The following RHPN2 variants were observed in gnomAD, a reference collection of about 807,000 sequenced individuals.
RHPN2 encodes the protein rhophilin Rho GTPase binding protein 2.
In RHPN2, 40 loss-of-function variants were observed where a neutral mutation model predicts 79.0. The ratio of observed to expected loss-of-function variants is 0.51; its 90% CI spans 0.39 to 0.66. The LOEUF (loss-of-function observed/expected upper bound fraction) is 0.66, where lower values mean the gene tolerates loss of function less well. Among genes scored for constraint, RHPN2 ranks in the 30% least tolerant of loss-of-function variants. The pLI is 0.00. For missense variants in RHPN2, 686 were observed against 883.5 expected, an observed-to-expected ratio of 0.78 and a Z score of 2.83; for synonymous variants, 285 against 363.5, an observed-to-expected ratio of 0.78 and a Z score of 2.46.
At chr19:33,016,822 T>C (rs574105193) in intron 4 of RHPN2, among the ~76,000 whole-genome samples, 1 of 152,366 alleles carries the variant, frequency 6.6e-6, no homozygotes, top group South Asian at 2.1e-4. Context: ...CTGCAGTACC[T>C]GTGTTTCTAT....
At chr19:33,039,356 A>G (rs963040176) in intron 2 of RHPN2, among the ~76,000 whole-genome samples, 3 of 152,044 alleles carry the variant, frequency 2.0e-5, no homozygotes, top group Admixed American at 6.6e-5. Flanking sequence ...CCCACAACTG[A>G]CGGTGTGAGC....
At chr19:33,024,718 C>T (rs1264138527) in intron 3 of RHPN2, among the ~76,000 whole-genome samples, 5 of 152,212 alleles carry the variant, frequency 3.3e-5, no homozygotes, top group African/African-American at 1.2e-4. Flanking sequence ...GCACGTAAAC[C>T]CTTCTCTGAA....
intron 2 of RHPN2, among the ~76,000 whole-genome samples, chr19:33,027,439 G>A (rs898394251): frequency 2.0e-5 from 3 of 151,828 alleles, no homozygotes; most frequent in African/African-American, 4.8e-5. Flanking sequence ...ATACTGCAGT[G>A]AGCTATGATC....
chr19:33,031,251 T>TTCTATTCTAC (rs1555713296), intron 2 of RHPN2, among the ~76,000 whole-genome samples: 1 of 132,484 alleles, frequency 7.5e-6, no homozygotes, highest in Admixed American at 7.8e-5. Context: ...TTCTATTCTA[T>TTCTATTCTAC]TCTACTCTAT....
chr19:33,034,605 C>CAAAAAAA (rs71176187), intron 2 of RHPN2, among the ~76,000 whole-genome samples: 9 of 95,680 alleles, frequency 9.4e-5, no homozygotes, highest in South Asian at 4.7e-4. Flanking sequence ...GACTCCGTCT[C>CAAAAAAA]AAAAAAAAAA....
At chr19:32,982,648 C>G (rs1456421511) in intron 14 of RHPN2, among the ~76,000 whole-genome samples, 5 of 152,128 alleles carry the variant, frequency 3.3e-5, no homozygotes, top group Admixed American at 3.3e-4. Context: ...CAACCCTCAG[C>G]TGCTCAAAGT....
rs1439730979 is a variant in RHPN2 at position 33,026,631 on chromosome 19, C to G, written c.187G>C (p.Val63Leu). The change falls in exon 3 of 15, where the codon GTG becomes CTG. Residue 63 changes from valine to leucine, a missense_variant and splice_region_variant. By Grantham distance (32) the Val-to-Leu change is conservative. Coordinates refer to ENST00000254260, the MANE Select transcript of RHPN2 (RefSeq NM_033103.5). The stretch of plus-strand genomic sequence containing the variant: ...TCCCGCACCTTTGAGTTTGTGGCCA[C>G]TCTGTTCAAAGAGAAGAGGGAGAGA... Reference protein sequence around the residue: ...MRTGAENLLKVATNSKVREQV... With the variant: ...MRTGAENLLKLATNSKVREQV... The G allele has an allele frequency of 6.2e-7, 1 of 1,606,198 alleles. No homozygotes were observed. The highest frequency in any genetic ancestry group is 2.2e-5 in the East Asian group (1 of 44,760).
At chr19:33,015,030 T>C (rs1379686500) in intron 4 of RHPN2, among the ~76,000 whole-genome samples, 2 of 151,612 alleles carry the variant, frequency 1.3e-5, no homozygotes, top group African/African-American at 4.8e-5. Flanking sequence ...TGCACTCCAA[T>C]CTTATGAAAG....
At chr19:33,005,937 A>G (rs368960479) in intron 7 of RHPN2, among the ~76,000 whole-genome samples, 4 of 152,172 alleles carry the variant, frequency 2.6e-5, no homozygotes, top group East Asian at 3.9e-4. Flanking sequence ...TCTGTCGCCC[A>G]AGCTGGAGTG....
rs189635439 is a variant in RHPN2 at position 33,034,918 on chromosome 19, G to A, written c.186-8286C>T. On this transcript the variant is annotated intron_variant, in intron 2 of 14. Transcript: ENST00000254260. ...GTTCAAGACCAGCCGAAGCAACATA[G>A]TGAGACCCTGTCTCTAAAACAAATA... Among the ~76,000 whole-genome samples the A allele has an allele frequency of 2.7e-3, 409 of 152,104 alleles. 1 individual carries two copies. The highest frequency in any genetic ancestry group is 9.1e-3 in the African/African-American group (376 of 41,502).
In RHPN2 at chr19:32,980,337, G is replaced by A. The variant is rs1312589845; in HGVS notation, c.1801-81C>T. The A allele has an allele frequency of 2.6e-6, 4 of 1,532,660 alleles. No homozygotes were observed. In the East Asian group the frequency reaches 6.7e-5, roughly 26 times the overall value. The allele number at this position is 1,532,660 out of a possible 1,614,324, so 94.9% of individuals were successfully genotyped here. A position where few individuals can be genotyped will look rare whatever the true frequency, so the allele number is the denominator to read the frequency against. On this transcript the variant is annotated intron_variant, in intron 14 of 14. Coordinates refer to ENST00000254260, the MANE Select transcript of RHPN2 (RefSeq NM_033103.5). ...AAACTACGAAGTTTGGCCAGGCGCG[G>A]TGGCTCACACCTGTAATCCCAACAG... is the stretch of plus-strand genomic sequence containing the variant.
intron 10 of RHPN2, among the ~76,000 whole-genome samples, chr19:32,997,147 C>A (rs867447652): frequency 2.0e-5 from 3 of 152,180 alleles, no homozygotes; most frequent in Non-Finnish European, 4.4e-5. Context: ...AATCTGCCTG[C>A]CTTAGCCTCC....
chr19:33,024,952 A>C (rs1971954256), intron 3 of RHPN2, among the ~76,000 whole-genome samples: 1 of 151,960 alleles, frequency 6.6e-6, no homozygotes, highest in Non-Finnish European at 1.5e-5. Flanking sequence ...GGGTTTCACT[A>C]TGTTGCCCAG....
At chr19:33,030,067 A>G (rs973407696) in intron 2 of RHPN2, among the ~76,000 whole-genome samples, 2 of 152,230 alleles carry the variant, frequency 1.3e-5, no homozygotes, top group African/African-American at 4.8e-5. Flanking sequence ...CCATTTGTAC[A>G]AACAGTTCAG....
At chr19:33,063,072 G>A (rs574959952) in intron 1 of RHPN2, among the ~76,000 whole-genome samples, 4 of 152,062 alleles carry the variant, frequency 2.6e-5, no homozygotes, top group Admixed American at 6.6e-5. Context: ...AGCAACTTGC[G>A]GGAGGCCACA....
chr19:33,005,496 G>A (rs10415212), intron 7 of RHPN2, among the ~76,000 whole-genome samples: 29,229 of 145,184 alleles, frequency 0.2, 2,965 homozygotes, highest in Middle Eastern at 0.29. Flanking sequence ...TGACTTCTTT[G>A]TAGTTTAGAA....
intron 5 of RHPN2, 145 bp from the exon 6 acceptor site, chr19:33,011,948 G>C (rs1200261094): frequency 1.8e-6 from 2 of 1,082,416 alleles, no homozygotes; most frequent in South Asian, 2.8e-5. Flanking sequence ...TAAACTCTGG[G>C]AGGGGTGGAA....
At chr19:33,039,205 C>T (rs1050942334) in intron 2 of RHPN2, among the ~76,000 whole-genome samples, 5 of 152,128 alleles carry the variant, frequency 3.3e-5, no homozygotes, top group African/African-American at 1.2e-4. Flanking sequence ...CCATCCCCTG[C>T]TGAGGTGGCT....
intron 4 of RHPN2, among the ~76,000 whole-genome samples, chr19:33,018,899 C>G (rs189055454): frequency 1.5e-3 from 232 of 151,392 alleles, no homozygotes; most frequent in African/African-American, 5.3e-3. Context: ...GGCATGATGG[C>G]GGGTGCCTGT....
Sources: allele counts gnomAD v4.1 joint callset (sites outside exome capture counted in the v4.1 genomes callset), GRCh38; gene constraint gnomAD v4.1.1; transcripts MANE v1.5; gene names NCBI Gene and HGNC (gene_info 2026-07-23, HGNC 2026-07-21).